TDRD12: variants seen among roughly 807,000 people sequenced by gnomAD.
The protein encoded by TDRD12 is putative ATP-dependent RNA helicase TDRD12.
In TDRD12, 158 loss-of-function variants were observed where a neutral mutation model predicts 133.5. The ratio of observed to expected loss-of-function variants is 1.18; its 90% CI spans 1.04 to 1.35. The LOEUF (loss-of-function observed/expected upper bound fraction) is 1.35. TDRD12 is among the 40% of genes most tolerant of loss of function. The probability of loss-of-function intolerance (pLI) is 0.00; values close to 1 mark genes in which losing one functional copy is unlikely to be tolerated. For missense variants in TDRD12, 1,443 were observed against 1,321.3 expected (o/e 1.09, Z -1.43); for synonymous variants, 460 against 477.9 (o/e 0.96, Z 0.49).
chr19:32,773,578 G>A, intron 10 of TDRD12, 46 bp downstream of exon 10: 3 of 1,517,954 alleles, frequency 2.0e-6, no homozygotes, highest in Non-Finnish European at 2.7e-6. Flanking sequence ...CCTGCCTGTA[G>A]TCCCAGCTAC....
intron 3 of TDRD12, among the ~76,000 whole-genome samples, chr19:32,742,542 G>T (rs1331863273): frequency 6.6e-6 from 1 of 152,052 alleles, no homozygotes; most frequent in Non-Finnish European, 1.5e-5. Context: ...CTATCTATGT[G>T]CCATATCCGT....
Position 32,819,252 on chromosome 19 carries a change from G to A in TDRD12, c.3383+1095G>A, listed in dbSNP as rs1198464320. On this transcript the variant is annotated intron_variant, in intron 27 of 27. Transcript: ENST00000444215. ...AGATTGGTTGAGCCCAGGAGGTTTA[G>A]GCTGCAGTGAGCTGTGATTGTGCCA... Among the ~76,000 whole-genome samples the A allele has an allele frequency of 2.0e-5, 3 of 151,576 alleles. No individual in the cohort carries two copies. In the East Asian group the frequency reaches 5.8e-4, roughly 29 times the overall value.
rs35069423 is a variant in TDRD12 at position 32,781,687 on chromosome 19, T to TTCTCTC, written c.1121+4478_1121+4483dup. The stretch of plus-strand genomic sequence containing the variant: ...TTCTTTATATATGACTCCTTTCCTT[T>TTCTCTC]TCTCTCTCTCTCTCTCTCTCTCTCT... On this transcript the variant is annotated intron_variant, in intron 11 of 27. Coordinates refer to ENST00000444215, the Ensembl canonical transcript of TDRD12. Among the ~76,000 whole-genome samples the TTCTCTC allele has an allele frequency of 1.5e-4, 22 of 148,382 alleles. No homozygotes were observed. In the South Asian group the frequency reaches 1.7e-3, roughly 12 times the overall value.
chr19:32,753,014 G>C (rs1194229238), intron 6 of TDRD12, among the ~76,000 whole-genome samples: 1 of 151,410 alleles, frequency 6.6e-6, no homozygotes, highest in Non-Finnish European at 1.5e-5. Flanking sequence ...GGATGGTCTC[G>C]ATCTCCTGAC....
At chr19:32,807,466 A>C in intron 21 of TDRD12, 83 bp from the exon 22 acceptor site, 1 of 900,310 alleles carries the variant, frequency 1.1e-6, no homozygotes, top group Non-Finnish European at 1.6e-6. Context: ...TTTAGGTTGC[A>C]GATTAATTTT....
At chr19:32,770,060 C>T (rs998963545) in intron 8 of TDRD12, among the ~76,000 whole-genome samples, 2 of 151,022 alleles carry the variant, frequency 1.3e-5, no homozygotes, top group East Asian at 2.0e-4. Flanking sequence ...TGGCTCACTG[C>T]AGGCAGTGAG....
chr19:32,815,960 C>T (rs1967166210), intron 26 of TDRD12, among the ~76,000 whole-genome samples: 1 of 151,832 alleles, frequency 6.6e-6, no homozygotes, highest in African/African-American at 2.4e-5. Flanking sequence ...TGCCACTGCA[C>T]TCCAGCCTGG....
At chr19:32,742,690 A>G (rs1406724188) in intron 3 of TDRD12, 91 bp from the exon 4 acceptor site, 1 of 1,277,314 alleles carries the variant, frequency 7.8e-7, no homozygotes, top group African/African-American at 1.5e-5. Flanking sequence ...TTTGTTTTAC[A>G]TTAAGTGTAT....
chr19:32,742,871 T>TAAA (rs1568453029), exon 4 of TDRD12: 1 of 1,551,790 alleles, frequency 6.4e-7, no homozygotes, highest in East Asian at 2.4e-5. Context: ...CATTACACAT[T>TAAA]GACTTCTGCC....
intron 16 of TDRD12, among the ~76,000 whole-genome samples, chr19:32,799,728 CTTTTTTTTTT>C (rs71176153): frequency 1.3e-5 from 1 of 78,434 alleles, no homozygotes; most frequent in African/African-American, 5.6e-5. Context: ...TAGTTTTTGC[CTTTTTTTTTT>C]TTTTTTTTTT....
In TDRD12 at chr19:32,722,084, A is replaced by T. The variant is rs546765726; in HGVS notation, c.24+1988A>T. ...TCTTGTGTAATCTCTCTGAACAAAGATTCACAAATGTTTGAGGAAGCTGAC... is the reference window on the plus strand; with the variant it reads ...TCTTGTGTAATCTCTCTGAACAAAGTTTCACAAATGTTTGAGGAAGCTGAC... On this transcript the variant is annotated intron_variant, in intron 1 of 27. Transcript: ENST00000444215. Among the ~76,000 whole-genome samples the T allele has an allele frequency of 5.5e-4, 83 of 152,252 alleles. 1 individual carries two copies. Among genetic ancestry groups the T allele is most frequent in the Middle Eastern group, 6.8e-3 (2 of 294 alleles).
At chr19:32,734,522 C>T (rs1258146967) in intron 2 of TDRD12, among the ~76,000 whole-genome samples, 4 of 151,674 alleles carry the variant, frequency 2.6e-5, no homozygotes, top group Non-Finnish European at 4.4e-5. Flanking sequence ...AGGCATGCAC[C>T]ACCACACCTG....
rs115138922 is a variant in TDRD12 at position 32,806,639 on chromosome 19, G to A, written c.2553-910G>A. ...TTACAGGCATGAGCCACCGTCCCCA[G>A]CCAAATACTGACTTTATTTATTTAT... is the stretch of plus-strand genomic sequence containing the variant. On this transcript the variant is annotated intron_variant, in intron 21 of 27. Coordinates refer to ENST00000444215, the Ensembl canonical transcript of TDRD12. 9.8e-3 allele frequency among the ~76,000 whole-genome samples: 1,487 copies of A among 152,026 alleles called. 24 individuals carry two copies. The highest frequency in any genetic ancestry group is 0.034 in the African/African-American group (1,425 of 41,380).
Position 32,732,840 on chromosome 19 carries a change from A to C in TDRD12, c.183+957A>C, listed in dbSNP as rs553399422. 9.2e-5 allele frequency among the ~76,000 whole-genome samples: 14 copies of C among 152,334 alleles called. No individual in the cohort carries two copies. In the South Asian group the frequency reaches 2.9e-3, roughly 32 times the overall value. On this transcript the variant is annotated intron_variant, in intron 2 of 27. Transcript: ENST00000444215. ...TAATTTGTTTCCACGCCATTGACTA[A>C]TTGAAGAAGTTAAACCAGGTCAATT...
At chr19:32,724,378 C>T (rs528914035) in intron 1 of TDRD12, among the ~76,000 whole-genome samples, 1 of 152,208 alleles carries the variant, frequency 6.6e-6, no homozygotes, top group African/African-American at 2.4e-5. Context: ...GATACTCTCC[C>T]TCCCCTCTGT....
intron 21 of TDRD12, among the ~76,000 whole-genome samples, chr19:32,804,423 G>A (rs1971484539): frequency 6.6e-6 from 1 of 151,294 alleles, no homozygotes; most frequent in Admixed American, 6.6e-5. Context: ...GCCAGGTGCA[G>A]TGGCTCACAC....
At chr19:32,798,032 A>G (rs1183105787) in intron 15 of TDRD12, 141 bp downstream of exon 15, 1 of 592,290 alleles carries the variant, frequency 1.7e-6, no homozygotes, top group Non-Finnish European at 3.0e-6. Context: ...ACTAGTCCAG[A>G]CCTACTTGTC....
intron 2 of TDRD12, among the ~76,000 whole-genome samples, chr19:32,736,015 T>G (rs962732074): frequency 2.6e-5 from 4 of 152,110 alleles, no homozygotes; most frequent in African/African-American, 9.7e-5. Flanking sequence ...ACTAAAGCTT[T>G]AAAGGTCAGA....
chr19:32,745,465 C>G (rs1162672924), intron 4 of TDRD12, among the ~76,000 whole-genome samples: 1 of 152,194 alleles, frequency 6.6e-6, no homozygotes, highest in Non-Finnish European at 1.5e-5. Flanking sequence ...GCAATTTATA[C>G]TGCCATCATT....
Sources: gnomAD v4.1 joint callset for allele counts (sites outside exome capture counted in the v4.1 genomes callset) on GRCh38, gnomAD v4.1.1 for gene constraint, MANE v1.5 for transcripts, NCBI Gene and HGNC (gene_info 2026-07-23, HGNC 2026-07-21) for gene names.